The following PTPRD variants were observed in gnomAD, a reference collection of about 807,000 sequenced individuals.
The protein encoded by PTPRD is protein tyrosine phosphatase receptor type D, also known as receptor-type tyrosine-protein phosphatase delta.
In PTPRD, 34 loss-of-function variants were observed where a neutral mutation model predicts 214.5. That is an observed-to-expected ratio of 0.16 (90% confidence interval 0.12 to 0.21). The LOEUF (loss-of-function observed/expected upper bound fraction) is 0.21, where lower values mean the gene tolerates loss of function less well. PTPRD is among the 10% of genes least tolerant of loss of function. The pLI is 1.00. For missense variants in PTPRD, 2,545 were observed against 2,398.7 expected (o/e 1.06, Z -1.27); for synonymous variants, 1,128 against 845.7 (o/e 1.33, Z -5.79).
rs530460282 is a variant in PTPRD, at chr9:10,014,104, G to A, written c.-472+19614C>T. Among the ~76,000 whole-genome samples the A allele has an allele frequency of 5.3e-5, 8 of 152,036 alleles. No individual in the cohort carries two copies. In the South Asian group the frequency reaches 8.3e-4, roughly 16 times the overall value. On this transcript the variant is annotated intron_variant, in intron 4 of 45. Coordinates refer to ENST00000381196, the MANE Select transcript of PTPRD (RefSeq NM_002839.4). Reference sequence around the variant, plus strand: ...AGTTGCCAACTAGAAAAATGGTATCGTAAAAGACTAGAGAGTTGTTTGCTT... The same window carrying A: ...AGTTGCCAACTAGAAAAATGGTATCATAAAAGACTAGAGAGTTGTTTGCTT...
intron 11 of PTPRD, among the ~76,000 whole-genome samples, chr9:8,964,567 A>G: frequency 6.6e-6 from 1 of 151,728 alleles, no homozygotes; most frequent in East Asian, 1.9e-4. Flanking sequence ...AGTTTAGCTC[A>G]ATTTTAGTTA....
chr9:8,441,109 A>G (rs17643145), intron 34 of PTPRD, among the ~76,000 whole-genome samples: 3,064 of 152,282 alleles, frequency 0.02, 53 homozygotes, highest in Non-Finnish European at 0.028. Context: ...CATATAGTCA[A>G]CATTTTCACA....
chr9:10,395,878 G>C (rs1183085657), intron 2 of PTPRD, among the ~76,000 whole-genome samples: 2 of 151,686 alleles, frequency 1.3e-5, no homozygotes, highest in Non-Finnish European at 1.5e-5. Flanking sequence ...CCTAGAGAAG[G>C]ATCTGGAAAC....
chr9:8,846,086 G>A (rs1260364862), intron 11 of PTPRD, among the ~76,000 whole-genome samples: 1 of 152,204 alleles, frequency 6.6e-6, no homozygotes, highest in African/African-American at 2.4e-5. Flanking sequence ...GTCTTGTCTA[G>A]TGGCATATGA....
intron 10 of PTPRD, among the ~76,000 whole-genome samples, chr9:9,106,209 A>C (rs1036596874): frequency 1.3e-5 from 2 of 152,044 alleles, no homozygotes; most frequent in African/African-American, 4.8e-5. Flanking sequence ...GTTGAATCCT[A>C]TGAAACAGCC....
intron 5 of PTPRD, among the ~76,000 whole-genome samples, chr9:9,792,671 A>G (rs138540873): frequency 6.6e-6 from 1 of 152,336 alleles, no homozygotes; most frequent in East Asian, 1.9e-4. Context: ...TGCTATTTTC[A>G]GATGACTATA....
Position 8,316,154 on chromosome 9 carries a change from G to A in PTPRD, c.*1720C>T, listed in dbSNP as rs1258771177. The stretch of plus-strand genomic sequence containing the variant: ...GAAGAAGGGCCCTGATTATCCAAGT[G>A]CTTTGGGCTGGTACAATCACTAACA... On this transcript the variant is annotated 3_prime_UTR_variant, in exon 46 of 46. Coordinates refer to ENST00000381196, the MANE Select transcript of PTPRD (RefSeq NM_002839.4). The A allele has an allele frequency of 4.3e-6, 1 of 229,928 alleles. No homozygotes were observed. The highest frequency in any genetic ancestry group is 2.2e-5 in the African/African-American group (1 of 45,190). 14.2% of individuals were successfully genotyped at this position (229,928 alleles called of 1,614,324 possible). A position where few individuals can be genotyped will look rare whatever the true frequency, so the allele number is the denominator to read the frequency against.
At chr9:9,703,936 G>C (rs1026551388) in intron 7 of PTPRD, among the ~76,000 whole-genome samples, 3 of 152,114 alleles carry the variant, frequency 2.0e-5, no homozygotes, top group Non-Finnish European at 4.4e-5. Context: ...TCAGGCTGGA[G>C]TGCAGTGGCA....
At chr9:8,558,303 C>G (rs2141129028) in intron 14 of PTPRD, among the ~76,000 whole-genome samples, 1 of 152,248 alleles carries the variant, frequency 6.6e-6, no homozygotes, top group South Asian at 2.1e-4. Flanking sequence ...TTCATTCAGC[C>G]TTGCCAGGAA....
At chr9:9,032,225 C>T (rs1569475429) in intron 10 of PTPRD, among the ~76,000 whole-genome samples, 1 of 151,894 alleles carries the variant, frequency 6.6e-6, no homozygotes, top group Non-Finnish European at 1.5e-5. Flanking sequence ...CATTTCCACC[C>T]AACGCCACAT....
intron 34 of PTPRD, among the ~76,000 whole-genome samples, chr9:8,442,410 T>C (rs1179171308): frequency 6.6e-6 from 1 of 152,216 alleles, no homozygotes; most frequent in Non-Finnish European, 1.5e-5. Context: ...GTAGAGTTTT[T>C]GAAGTCATTA....
At chr9:8,735,721 C>A (rs1384089691) in intron 11 of PTPRD, among the ~76,000 whole-genome samples, 1 of 151,940 alleles carries the variant, frequency 6.6e-6, no homozygotes, top group East Asian at 2.0e-4. Context: ...ACCAGCCTGG[C>A]CAACATGGTG....
At chr9:8,546,063 G>A (rs953446149) in intron 14 of PTPRD, among the ~76,000 whole-genome samples, 10 of 152,188 alleles carry the variant, frequency 6.6e-5, no homozygotes, top group African/African-American at 2.2e-4. Context: ...CATCTGAGAT[G>A]CTTCACTTAA....
chr9:9,976,946 T>C (rs1447612807), intron 4 of PTPRD, among the ~76,000 whole-genome samples: 1 of 152,132 alleles, frequency 6.6e-6, no homozygotes, highest in African/African-American at 2.4e-5. Flanking sequence ...TGCTGTTGAA[T>C]TAGGATATTT....
At chr9:9,692,781 T>A (rs1287897120) in intron 7 of PTPRD, among the ~76,000 whole-genome samples, 4 of 152,030 alleles carry the variant, frequency 2.6e-5, no homozygotes, top group Non-Finnish European at 5.9e-5. Context: ...GTTTCCATTT[T>A]TTTTAGTGGC....
chr9:8,998,822 A>G (rs899711728), intron 11 of PTPRD, among the ~76,000 whole-genome samples: 5 of 152,036 alleles, frequency 3.3e-5, no homozygotes, highest in African/African-American at 1.2e-4. Flanking sequence ...ATCAACATTA[A>G]TAGTTTGAAA....
At chr9:8,785,049 AAG>A (rs1335643624) in intron 11 of PTPRD, among the ~76,000 whole-genome samples, 1 of 152,140 alleles carries the variant, frequency 6.6e-6, no homozygotes, top group African/African-American at 2.4e-5. Flanking sequence ...AGACTAATAA[AAG>A]AGAAAACCCT....
chr9:8,483,415 G>C (rs950961158), intron 30 of PTPRD, among the ~76,000 whole-genome samples: 1 of 151,810 alleles, frequency 6.6e-6, no homozygotes, highest in South Asian at 2.1e-4. Flanking sequence ...CCAAATATTA[G>C]AGTTAATCAC....
chr9:8,854,273 C>G (rs541316129), intron 11 of PTPRD, among the ~76,000 whole-genome samples: 1 of 152,144 alleles, frequency 6.6e-6, no homozygotes, highest in East Asian at 1.9e-4. Flanking sequence ...ACACTTGACT[C>G]TTATACTGCC....
Sources: allele counts gnomAD v4.1 joint callset (sites outside exome capture counted in the v4.1 genomes callset), GRCh38; gene constraint gnomAD v4.1.1; transcripts MANE v1.5; gene names NCBI Gene and HGNC (gene_info 2026-07-23, HGNC 2026-07-21).